RIN2: variants seen among roughly 807,000 people sequenced by gnomAD.
RIN2 encodes the protein RAB5 interacting protein 2.
RIN2 carries 36 observed loss-of-function variants against 78.0 expected under a neutral mutation model. That is an observed-to-expected ratio of 0.46 (90% CI 0.35 to 0.61). The LOEUF (loss-of-function observed/expected upper bound fraction) is 0.61, where lower values mean the gene tolerates loss of function less well. Among genes scored for constraint, RIN2 ranks in the 20% least tolerant of loss-of-function variants. RIN2 has a pLI of 0.00. For synonymous variants in RIN2, 466 were observed against 466.8 expected, an observed-to-expected ratio of 1.00 and a Z score of 0.02; for missense variants, 1,087 against 1,159.7, an observed-to-expected ratio of 0.94 and a Z score of 0.91.
Position 19,793,619 on chromosome 20 carries a change from A to C in RIN2, c.-162-6003A>C, listed in dbSNP as rs893257025. 5.3e-5 allele frequency among the ~76,000 whole-genome samples: 8 copies of C among 152,350 alleles called. No individual in the cohort carries two copies. In the South Asian group the frequency reaches 1.7e-3, roughly 32 times the overall value. On this transcript the variant is annotated intron_variant, in intron 1 of 12. Transcript: ENST00000255006. Reference sequence around the variant, plus strand: ...AAATGAAAACTCAAAGGGTTTTGGGAGATGCTGGAACATACTTTGACCCTT... The same window carrying C: ...AAATGAAAACTCAAAGGGTTTTGGGCGATGCTGGAACATACTTTGACCCTT...
intron 2 of RIN2, chr20:19,872,246 G>A (rs1372543633): frequency 6.6e-6 from 1 of 152,112 alleles, no homozygotes; most frequent in Non-Finnish European, 1.5e-5. Flanking sequence ...CAGCCATGAG[G>A]AACTGTAAGT....
chr20:19,984,114 G>A (rs6046507), intron 9 of RIN2, among the ~76,000 whole-genome samples: 56,577 of 149,960 alleles, frequency 0.38, 12,715 homozygotes, highest in African/African-American at 0.63. Context: ...ACCAAACACT[G>A]CATGTTCTCA....
chr20:19,987,398 C>A (rs2042654763), intron 9 of RIN2, among the ~76,000 whole-genome samples: 1 of 152,170 alleles, frequency 6.6e-6, no homozygotes, highest in Admixed American at 6.5e-5. Context: ...GAGGAATAAA[C>A]TGGCGAGTAT....
intron 1 of RIN2, among the ~76,000 whole-genome samples, chr20:19,793,389 C>T (rs1023295931): frequency 6.6e-6 from 1 of 152,154 alleles, no homozygotes; most frequent in Non-Finnish European, 1.5e-5. Flanking sequence ...TTGGATGGCT[C>T]AGCCACAGAG....
At chr20:19,989,238 A>G (rs1055195576) in intron 9 of RIN2, among the ~76,000 whole-genome samples, 6 of 147,858 alleles carry the variant, frequency 4.1e-5, no homozygotes, top group African/African-American at 1.3e-4. Context: ...ATCACATACT[A>G]TATTTAGGTG....
intron 4 of RIN2, among the ~76,000 whole-genome samples, chr20:19,948,201 G>T (rs755025945): frequency 1.4e-4 from 22 of 152,130 alleles, no homozygotes; most frequent in Non-Finnish European, 2.8e-4. Context: ...ACACGGAAGG[G>T]AGCCAGAGAA....
chr20:19,956,472 C>A (rs1198241188), intron 4 of RIN2, 143 bp from the exon 5 acceptor site: 2 of 693,220 alleles, frequency 2.9e-6, no homozygotes, highest in Admixed American at 4.8e-5. Flanking sequence ...AGCTTTCAGT[C>A]TGGAAGAGAA....
rs1299388496 is a variant in RIN2 at position 19,906,001 on chromosome 20, C to CAAACAAAT, written c.57+16350_57+16351insTAAACAAA. Reference sequence around the variant, plus strand: ...GGTAGCAGTATCTCTATTTCACAAACAAACAAACAAACACATGCCAGGGCC... The same window carrying CAAACAAAT: ...GGTAGCAGTATCTCTATTTCACAAACAAACAAATAAACAAACAAACACATGCCAGGGCC... On this transcript the variant is annotated intron_variant, in intron 3 of 12. Coordinates refer to ENST00000255006, the MANE Select transcript of RIN2 (RefSeq NM_018993.4). Among the ~76,000 whole-genome samples the CAAACAAAT allele has an allele frequency of 4.6e-5, 7 of 152,154 alleles. No individual in the cohort carries two copies. In the East Asian group the frequency reaches 9.7e-4, roughly 21 times the overall value.
intron 2 of RIN2, among the ~76,000 whole-genome samples, chr20:19,870,079 G>C (rs1366335334): frequency 6.6e-6 from 1 of 152,038 alleles, no homozygotes; most frequent in Non-Finnish European, 1.5e-5. Context: ...CTCTGAACCA[G>C]GTTAGAGTAG....
intron 3 of RIN2, among the ~76,000 whole-genome samples, chr20:19,930,590 G>A (rs2040402957): frequency 6.6e-6 from 1 of 152,192 alleles, no homozygotes; most frequent in African/African-American, 2.4e-5. Flanking sequence ...TCCTGCTGGG[G>A]TGGGAGTCCT....
At chr20:19,868,481 C>T (rs1329480132) in intron 2 of RIN2, among the ~76,000 whole-genome samples, 1 of 152,186 alleles carries the variant, frequency 6.6e-6, no homozygotes, top group Non-Finnish European at 1.5e-5. Context: ...TACAGATTCG[C>T]TCCTGAATTC....
At chr20:19,763,231 C>G (rs1218702186) in intron 1 of RIN2, among the ~76,000 whole-genome samples, 1 of 151,750 alleles carries the variant, frequency 6.6e-6, no homozygotes, top group African/African-American at 2.4e-5. Context: ...CTAAAAATAC[C>G]AAAAAAATTA....
At chr20:19,919,049 T>C (rs396060) in intron 3 of RIN2, among the ~76,000 whole-genome samples, 105,066 of 152,166 alleles carry the variant, frequency 0.69, 37,325 homozygotes, top group East Asian at 0.96. Flanking sequence ...CTCTCACTTC[T>C]CATGGAGTGG....
At chr20:19,968,828 G>T (rs889029310) in intron 7 of RIN2, among the ~76,000 whole-genome samples, 6 of 152,154 alleles carry the variant, frequency 3.9e-5, no homozygotes, top group Non-Finnish European at 8.8e-5. Context: ...CAAGGTTGTG[G>T]TTCCCATTAA....
chr20:19,952,736 T>C (rs780196684), intron 4 of RIN2, among the ~76,000 whole-genome samples: 3 of 152,232 alleles, frequency 2.0e-5, no homozygotes, highest in Non-Finnish European at 4.4e-5. Flanking sequence ...TGTTAGACAC[T>C]GTCCAATTTG....
At chr20:19,961,632 G>C (rs7272565) in intron 6 of RIN2, among the ~76,000 whole-genome samples, 2,040 of 152,228 alleles carry the variant, frequency 0.013, 38 homozygotes, top group African/African-American at 0.046. Flanking sequence ...TGTAGATGAA[G>C]GTCAATTTCA....
chr20:19,854,295 G>A (rs1196947407), intron 2 of RIN2, among the ~76,000 whole-genome samples: 1 of 152,246 alleles, frequency 6.6e-6, no homozygotes, highest in Admixed American at 6.5e-5. Context: ...TTGTAGTATA[G>A]TTTGAAGTCA....
intron 4 of RIN2, among the ~76,000 whole-genome samples, chr20:19,944,796 G>T (rs1370818292): frequency 6.6e-6 from 1 of 152,060 alleles, no homozygotes. Flanking sequence ...TCCAGGACCT[G>T]CTGGAAGCTG....
chr20:19,795,428 C>A (rs1406933386), intron 1 of RIN2, among the ~76,000 whole-genome samples: 2 of 152,090 alleles, frequency 1.3e-5, no homozygotes, highest in African/African-American at 4.8e-5. Context: ...TAGCATTTTG[C>A]CTGGTGAGTT....
Sources: allele counts gnomAD v4.1 joint callset (sites outside exome capture counted in the v4.1 genomes callset), GRCh38; gene constraint gnomAD v4.1.1; transcripts MANE v1.5; gene names NCBI Gene and HGNC (gene_info 2026-07-23, HGNC 2026-07-21).